The following DENND4C variants were observed in gnomAD, a reference collection of about 807,000 sequenced individuals.
The protein encoded by DENND4C is DENN domain-containing protein 4C.
A neutral mutation model predicts 203.0 loss-of-function variants in DENND4C; 108 were observed. That is an observed-to-expected ratio of 0.53 (90% CI 0.46 to 0.62). The LOEUF is 0.62. DENND4C is among the 20% of genes least tolerant of loss of function. The pLI is 0.00. For synonymous variants in DENND4C, 871 were observed against 792.4 expected, an observed-to-expected ratio of 1.10 and a Z score of -1.67; for missense variants, 2,481 against 2,301.2, an observed-to-expected ratio of 1.08 and a Z score of -1.60.
chr9:19,299,431 T>C (rs989044201), intron 8 of DENND4C, 144 bp downstream of exon 8: 11 of 550,070 alleles, frequency 2.0e-5, no homozygotes, highest in Non-Finnish European at 3.2e-5. Flanking sequence ...AAAAATAGCC[T>C]TAATGTTTCT....
At chr9:19,342,513 A>G in intron 21 of DENND4C, 120 bp from the exon 22 acceptor site, 2 of 1,062,894 alleles carry the variant, frequency 1.9e-6, no homozygotes, top group Non-Finnish European at 2.6e-6. Flanking sequence ...TTTGTGTCTA[A>G]AGTAAAATAG....
intron 1 of DENND4C, among the ~76,000 whole-genome samples, chr9:19,245,424 G>A (rs1824924004): frequency 6.8e-6 from 1 of 146,560 alleles, no homozygotes; most frequent in East Asian, 2.0e-4. Context: ...CCAAGATGGC[G>A]CTACTGCACT....
chr9:19,352,394 T>C, intron 25 of DENND4C, 96 bp from the exon 26 acceptor site: 1 of 1,262,662 alleles, frequency 7.9e-7, no homozygotes, highest in Non-Finnish European at 1.1e-6. Flanking sequence ...CCAAATTTGA[T>C]CAGTAGAATA....
chr9:19,313,125 T>C (rs781404093), intron 10 of DENND4C, among the ~76,000 whole-genome samples: 5 of 152,224 alleles, frequency 3.3e-5, no homozygotes, highest in Non-Finnish European at 5.9e-5. Flanking sequence ...TGTTATATTA[T>C]GTGTGTCTAT....
chr9:19,244,925 G>A (rs1345704811), intron 1 of DENND4C, among the ~76,000 whole-genome samples: 2 of 152,144 alleles, frequency 1.3e-5, no homozygotes, highest in African/African-American at 2.4e-5. Context: ...TACTAGATGT[G>A]AAATACTTTG....
intron 1 of DENND4C, among the ~76,000 whole-genome samples, chr9:19,251,721 A>G (rs112753902): frequency 0.2 from 30,353 of 152,134 alleles, 3,120 homozygotes; most frequent in Admixed American, 0.22. Flanking sequence ...AAGTTCCACA[A>G]ATCTCTAGGA....
chr9:19,342,448 A>G (rs1215643215), intron 21 of DENND4C, among the ~76,000 whole-genome samples, 185 bp from the exon 22 acceptor site: 1 of 152,240 alleles, frequency 6.6e-6, no homozygotes, highest in Non-Finnish European at 1.5e-5. Context: ...CATTTATTTC[A>G]GTTAATATTG....
chr9:19,372,267 T>C lies in DENND4C; in HGVS notation c.*94T>C, dbSNP rs1828979761. 1 of 1,457,132 alleles carries C rather than the reference T, an allele frequency of 6.9e-7. No individual in the cohort carries two copies. The highest frequency in any genetic ancestry group is 1.4e-5 in the African/African-American group (1 of 70,790). The allele number at this position is 1,457,132 out of a possible 1,614,324, so 90.3% of individuals were successfully genotyped here. A position where few individuals can be genotyped will look rare whatever the true frequency, so the allele number is the denominator to read the frequency against. ...TTTTTTTCCAAATCGTAAGAACTGG[T>C]GAATACGGAATTGAAGTAACTCTTG... On this transcript the variant is annotated 3_prime_UTR_variant, in exon 33 of 33. Coordinates refer to ENST00000434457, the MANE Select transcript of DENND4C (RefSeq NM_001330640.2).
At chr9:19,298,153 C>G (rs1303025352) in intron 7 of DENND4C, 31 bp downstream of exon 7, 4 of 1,581,448 alleles carry the variant, frequency 2.5e-6, no homozygotes, top group Non-Finnish European at 2.6e-6. Context: ...TTGGGGAGAA[C>G]TTTGCATATG....
At chr9:19,364,673 A>G (rs1294824690) in intron 30 of DENND4C, among the ~76,000 whole-genome samples, 1 of 152,096 alleles carries the variant, frequency 6.6e-6, no homozygotes, top group African/African-American at 2.4e-5. Flanking sequence ...CGGGTGGATC[A>G]CCTGAGGTCA....
chr9:19,282,679 T>G (rs1195021362), intron 2 of DENND4C, among the ~76,000 whole-genome samples: 2 of 151,148 alleles, frequency 1.3e-5, no homozygotes, highest in Admixed American at 6.6e-5. Context: ...TTTTTAAACT[T>G]TATTTTTTGT....
intron 13 of DENND4C, among the ~76,000 whole-genome samples, chr9:19,325,044 T>C (rs1797409308): frequency 6.6e-6 from 1 of 152,220 alleles, no homozygotes; most frequent in African/African-American, 2.4e-5. Flanking sequence ...AATCTCACTT[T>C]CGTTTTACAA....
chr9:19,328,789 C>T (rs972747307), intron 16 of DENND4C, among the ~76,000 whole-genome samples: 5 of 152,086 alleles, frequency 3.3e-5, no homozygotes, highest in Admixed American at 3.3e-4. Context: ...TGGCTCACCC[C>T]TGTAATCCCA....
At chr9:19,353,510 C>T (rs868061702) in intron 26 of DENND4C, among the ~76,000 whole-genome samples, 3 of 152,156 alleles carry the variant, frequency 2.0e-5, no homozygotes, top group Middle Eastern at 3.4e-3. Context: ...CGCCTGTAGT[C>T]CCAGGCACCC....
Position 19,336,836 on chromosome 9 carries a change from C to G in DENND4C, c.2881+4C>G, listed in dbSNP as rs1269603758. 1.3e-6 allele frequency: 2 copies of G among 1,545,036 alleles called. No homozygotes were observed. The highest frequency in any genetic ancestry group is 1.2e-5 in the South Asian group (1 of 82,524). On this transcript the variant is annotated splice_donor_region_variant and intron_variant, in intron 20 of 32. Coordinates refer to ENST00000434457, the MANE Select transcript of DENND4C (RefSeq NM_001330640.2). ...ATTGATAATCACTCTAGCACAGGTA[C>G]TAAAATCCAGATTTTACTAACCCTT...
intron 20 of DENND4C, among the ~76,000 whole-genome samples, chr9:19,339,059 C>G (rs1821073260): frequency 6.6e-6 from 1 of 152,142 alleles, no homozygotes; most frequent in Non-Finnish European, 1.5e-5. Context: ...AGAAAACTCT[C>G]ATATCTTTTA....
chr9:19,337,361 G>A (rs902921719), intron 20 of DENND4C, among the ~76,000 whole-genome samples: 2 of 152,212 alleles, frequency 1.3e-5, no homozygotes, highest in Non-Finnish European at 2.9e-5. Flanking sequence ...AAAGTAGCAC[G>A]TTGTGCAGAT....
intron 31 of DENND4C, 149 bp downstream of exon 31, chr9:19,370,136 A>G (rs1239222603): frequency 2.1e-6 from 2 of 948,156 alleles, no homozygotes; most frequent in African/African-American, 1.7e-5. Flanking sequence ...AGATATATAC[A>G]TTCCTACTTG....
At chr9:19,336,516 C>T (rs1313241839) in intron 19 of DENND4C, 102 bp downstream of exon 19, 3 of 1,449,290 alleles carry the variant, frequency 2.1e-6, no homozygotes, top group Non-Finnish European at 2.7e-6. Flanking sequence ...TTCCGGTAGA[C>T]ATTTTCACAT....
Sources: gnomAD v4.1 joint callset for allele counts (sites outside exome capture counted in the v4.1 genomes callset) on GRCh38, gnomAD v4.1.1 for gene constraint, MANE v1.5 for transcripts, NCBI Gene and HGNC (gene_info 2026-07-23, HGNC 2026-07-21) for gene names.